The following EPC2 variants were observed in gnomAD, a reference collection of about 807,000 sequenced individuals.
The protein encoded by EPC2 is enhancer of polycomb 2.
Under a neutral mutation model 92.1 loss-of-function variants are expected in EPC2, and 14 were observed. That is an observed-to-expected ratio of 0.15 (90% CI 0.10 to 0.24). The LOEUF is 0.24. Among genes scored for constraint, EPC2 ranks in the 10% least tolerant of loss-of-function variants. The pLI, the probability that EPC2 is intolerant of heterozygous loss-of-function variation, is 1.00. For synonymous variants in EPC2, 340 were observed against 334.7 expected (o/e 1.02, Z -0.17); for missense variants, 755 against 971.5 (o/e 0.78, Z 2.96).
At chr2:148,743,175 A>G (rs1682913361) in intron 2 of EPC2, among the ~76,000 whole-genome samples, 1 of 152,142 alleles carries the variant, frequency 6.6e-6, no homozygotes, top group South Asian at 2.1e-4. Flanking sequence ...AATTTTTTTA[A>G]GATAACTAGT....
chr2:148,726,295 CT>C, intron 2 of EPC2, among the ~76,000 whole-genome samples: 1 of 152,204 alleles, frequency 6.6e-6, no homozygotes, highest in East Asian at 1.9e-4. Flanking sequence ...GTTTTCAGTT[CT>C]TTTGGATATA....
chr2:148,684,564 T>C (rs545603532), intron 1 of EPC2, among the ~76,000 whole-genome samples: 2 of 152,344 alleles, frequency 1.3e-5, no homozygotes, highest in South Asian at 2.1e-4. Flanking sequence ...ATGCATCACA[T>C]TGTATATGCA....
intron 7 of EPC2, among the ~76,000 whole-genome samples, chr2:148,768,660 C>A (rs1683460506): frequency 6.6e-6 from 1 of 152,150 alleles, no homozygotes. Context: ...TGAATAAAAC[C>A]TGGCCTTTAT....
At chr2:148,695,328 A>G (rs1394696593) in intron 2 of EPC2, among the ~76,000 whole-genome samples, 1 of 152,176 alleles carries the variant, frequency 6.6e-6, no homozygotes, top group African/African-American at 2.4e-5. Context: ...AGGGAATTGA[A>G]ATGTACCGTT....
chr2:148,741,927 A>T (rs1359268346), intron 2 of EPC2, among the ~76,000 whole-genome samples: 1 of 152,194 alleles, frequency 6.6e-6, no homozygotes, highest in Non-Finnish European at 1.5e-5. Flanking sequence ...GCATTTACAA[A>T]CACATGCATA....
intron 1 of EPC2, among the ~76,000 whole-genome samples, chr2:148,667,269 C>A (rs1681074108): frequency 6.6e-6 from 1 of 152,190 alleles, no homozygotes; most frequent in African/African-American, 2.4e-5. Flanking sequence ...CACATAGCAA[C>A]TGAGTCAGAC....
intron 1 of EPC2, among the ~76,000 whole-genome samples, chr2:148,655,295 TC>T (rs1407065660): frequency 6.6e-6 from 1 of 152,238 alleles, no homozygotes; most frequent in African/African-American, 2.4e-5. Context: ...ATCCAGGGCT[TC>T]TTAACCTTTT....
chr2:148,782,491 C>A (rs559213922), intron 11 of EPC2, among the ~76,000 whole-genome samples: 1 of 151,030 alleles, frequency 6.6e-6, no homozygotes, highest in Non-Finnish European at 1.5e-5. Context: ...GAGCTAAGAT[C>A]GCACCACTGC....
chr2:148,662,765 T>A (rs1574567311), intron 1 of EPC2, among the ~76,000 whole-genome samples: 1 of 152,162 alleles, frequency 6.6e-6, no homozygotes, highest in Non-Finnish European at 1.5e-5. Flanking sequence ...CGTACATACA[T>A]ACGTAACAAA....
rs960048127 is a variant in EPC2 at position 148,677,410 on chromosome 2, C to T, written c.154-12804C>T. Among the ~76,000 whole-genome samples, 5 of 152,280 alleles carry T rather than the reference C, an allele frequency of 3.3e-5. No homozygotes were observed. The East Asian group carries it at 7.7e-4, about 24-fold the overall frequency. ...TTAAAATAAGGCCAGCATGCTGGCTCATGCTTGTAATCCCAACACTTTGGG... is the reference window on the plus strand; with the variant it reads ...TTAAAATAAGGCCAGCATGCTGGCTTATGCTTGTAATCCCAACACTTTGGG... On this transcript the variant is annotated intron_variant, in intron 1 of 13. Transcript: ENST00000258484.
At position 148,706,222 on chromosome 2, in the gene EPC2, C is replaced by T. The variant is rs189942917; in HGVS notation, c.313+15849C>T. On this transcript the variant is annotated intron_variant, in intron 2 of 13. Transcript: ENST00000258484. The stretch of plus-strand genomic sequence containing the variant: ...TGATGCATTCATAAGCTTCAGTAGC[C>T]GATTCAATCAAGTGGAAGAAAGGGT... Among the ~76,000 whole-genome samples the T allele has an allele frequency of 1.1e-4, 17 of 151,832 alleles. No homozygotes were observed. The East Asian group carries it at 2.7e-3, about 24-fold the overall frequency.
At chr2:148,775,079 A>C in intron 10 of EPC2, among the ~76,000 whole-genome samples, 1 of 115,614 alleles carries the variant, frequency 8.6e-6, no homozygotes. Flanking sequence ...GCAGAGCGAG[A>C]CTCCCTCTCA....
chr2:148,782,365 T>C (rs1683769529), intron 11 of EPC2, among the ~76,000 whole-genome samples: 2 of 151,944 alleles, frequency 1.3e-5, no homozygotes. Flanking sequence ...GGCAAAACCC[T>C]GTCTCTACTA....
At chr2:148,645,285 T>C (rs1426468893) in intron 1 of EPC2, 115 bp downstream of exon 1, 1 of 937,770 alleles carries the variant, frequency 1.1e-6, no homozygotes, top group East Asian at 2.9e-5. Flanking sequence ...GCTGCCGCTC[T>C]AACGCACGGG....
chr2:148,721,890 C>CTTTTTTTTTTTTTTTTTTT, intron 2 of EPC2, among the ~76,000 whole-genome samples: 2 of 60,730 alleles, frequency 3.3e-5, no homozygotes, highest in African/African-American at 1.3e-4. Flanking sequence ...GTTTTGATTT[C>CTTTTTTTTTTTTTTTTTTT]TTTTTTTTTT....
At chr2:148,759,151 G>A (rs916168747) in intron 4 of EPC2, among the ~76,000 whole-genome samples, 1 of 152,148 alleles carries the variant, frequency 6.6e-6, no homozygotes, top group African/African-American at 2.4e-5. Context: ...GGAGTGCAGT[G>A]GTGCAATATC....
intron 1 of EPC2, among the ~76,000 whole-genome samples, chr2:148,655,625 A>G (rs1346547414): frequency 6.6e-6 from 1 of 152,178 alleles, no homozygotes; most frequent in African/African-American, 2.4e-5. Flanking sequence ...TAAATTTGTT[A>G]GAAGTTTATG....
chr2:148,742,630 A>G (rs1682899381), intron 2 of EPC2, among the ~76,000 whole-genome samples: 1 of 151,876 alleles, frequency 6.6e-6, no homozygotes, highest in Admixed American at 6.6e-5. Context: ...AAAATGCAAT[A>G]TTAGCTGGGT....
chr2:148,644,986 C>T lies in EPC2; in HGVS notation c.-32C>T, dbSNP rs923986879. 4 of 1,540,968 alleles carry T rather than the reference C, an allele frequency of 2.6e-6. No individual in the cohort carries two copies. The highest frequency in any genetic ancestry group is 3.5e-6 in the Non-Finnish European group (4 of 1,142,960). The stretch of plus-strand genomic sequence containing the variant: ...CCCTCCCCGCCCGCCCCGCCGCCGC[C>T]GCCCGGGCTGTTCCTGTAAGGCGGG... On this transcript the variant is annotated 5_prime_UTR_variant, in exon 1 of 14. Transcript: ENST00000258484.
Sources: allele counts gnomAD v4.1 joint callset (sites outside exome capture counted in the v4.1 genomes callset), GRCh38; gene constraint gnomAD v4.1.1; transcripts MANE v1.5; gene names NCBI Gene and HGNC (gene_info 2026-07-23, HGNC 2026-07-21).